Variants in CARHSP1 observed in about 807,000 individuals in gnomAD.
CARHSP1 encodes the protein calcium regulated heat stable protein 1.
Under a neutral mutation model 12.5 loss-of-function variants are expected in CARHSP1, and 14 were observed. The ratio of observed to expected loss-of-function variants is 1.12; its 90% CI spans 0.74 to 1.75. The LOEUF (loss-of-function observed/expected upper bound fraction) is 1.75. CARHSP1 is among the 40% of genes most tolerant of loss of function. The pLI is 0.00. For synonymous variants in CARHSP1, 161 were observed against 82.0 expected (o/e 1.96, Z -5.20); for missense variants, 343 against 201.6 (o/e 1.70, Z -4.25).
chr16:8,856,990 G>GA (rs1026432143), intron 3 of CARHSP1, among the ~76,000 whole-genome samples: 5 of 152,136 alleles, frequency 3.3e-5, no homozygotes, highest in Admixed American at 1.3e-4. Flanking sequence ...TTCCTTCCTG[G>GA]AGCAAAGGGG....
intron 1 of CARHSP1, among the ~76,000 whole-genome samples, chr16:8,864,296 C>T (rs1274941032): frequency 6.6e-6 from 1 of 151,628 alleles, no homozygotes; most frequent in East Asian, 1.9e-4. Context: ...GTCCATGGAG[C>T]GGGGAGCCTC....
rs143251651 is a variant in CARHSP1 at position 8,860,785 on chromosome 16, T to C, written c.-7-1450A>G. ...TGAAGCATGGGCCAGGTGCGGTGGC[T>C]CACACCTGTAATCCCAGCACTTTGA... On this transcript the variant is annotated intron_variant, in intron 1 of 3. Transcript: ENST00000311052. 7.9e-5 allele frequency among the ~76,000 whole-genome samples: 12 copies of C among 152,076 alleles called. No homozygotes were observed. In the East Asian group the frequency reaches 2.3e-3, roughly 30 times the overall value.
At chr16:8,860,435 A>G (rs1030731622) in intron 1 of CARHSP1, 25 of 985,382 alleles carry the variant, frequency 2.5e-5, no homozygotes, top group Non-Finnish European at 3.0e-5. Context: ...CTCGCTGTAC[A>G]CAATAATCAC....
chr16:8,858,848 G>A (rs938227595), intron 2 of CARHSP1: 2 of 411,178 alleles, frequency 4.9e-6, no homozygotes, highest in East Asian at 8.0e-5. Flanking sequence ...CAGCCCTGGT[G>A]CTGTGCCCAT....
intron 1 of CARHSP1, among the ~76,000 whole-genome samples, 158 bp from the exon 2 acceptor site, chr16:8,859,493 C>G (rs2061274105): frequency 6.6e-6 from 1 of 151,814 alleles, no homozygotes; most frequent in Admixed American, 6.6e-5. Flanking sequence ...CTGGCAGGGT[C>G]AGATGCCTAC....
intron 3 of CARHSP1, 178 bp downstream of exon 3, chr16:8,858,172 C>T (rs1254525726): frequency 6.8e-6 from 5 of 733,556 alleles, no homozygotes; most frequent in African/African-American, 5.3e-5. Context: ...AGTCTCACAA[C>T]CCCAACCCAA....
intron 1 of CARHSP1, chr16:8,866,307 C>T: frequency 2.4e-6 from 1 of 409,658 alleles, no homozygotes; most frequent in Non-Finnish European, 3.3e-6. Context: ...CCAGGGAACA[C>T]GGCAGTAGCC....
intron 3 of CARHSP1, among the ~76,000 whole-genome samples, chr16:8,856,077 G>C (rs4985058): frequency 0.066 from 10,092 of 152,246 alleles, 448 homozygotes; most frequent in South Asian, 0.099. Flanking sequence ...CGAAAGTGCT[G>C]GGATTACAAG....
Position 8,853,557 on chromosome 16 carries a change from G to C in CARHSP1, c.*1607C>G, listed in dbSNP as rs1156611520. On this transcript the variant is annotated 3_prime_UTR_variant, in exon 4 of 4. Transcript: ENST00000311052. The stretch of plus-strand genomic sequence containing the variant: ...AGGACAAACTCATCAGAGTTGAGGA[G>C]TACCTACCTGATGAAGCTGTTCATG... 1 of 152,200 alleles carries C rather than the reference G, an allele frequency of 6.6e-6. No homozygotes were observed. Among genetic ancestry groups the C allele is most frequent in the Non-Finnish European group, 1.5e-5 (1 of 68,034 alleles). The allele number at this position is 152,200 out of a possible 1,614,324, so 9.4% of individuals were successfully genotyped here.
Position 8,859,395 on chromosome 16 carries a change from C to T in CARHSP1, c.-7-60G>A, listed in dbSNP as rs1018493122. ...TTGCAAGGTAGGGACCCTGTGCTTACCCCCATGTCCACGTCTGACAGTCCA... is the reference window on the plus strand; with the variant it reads ...TTGCAAGGTAGGGACCCTGTGCTTATCCCCATGTCCACGTCTGACAGTCCA... On this transcript the variant is annotated intron_variant, in intron 1 of 3. Transcript: ENST00000311052. 6.9e-6 allele frequency: 10 copies of T among 1,456,470 alleles called. No homozygotes were observed. In the African/African-American group the frequency reaches 1.3e-4, roughly 18 times the overall value. The allele number at this position is 1,456,470 out of a possible 1,614,324, so 90.2% of individuals were successfully genotyped here.
At position 8,858,332 on chromosome 16, in the gene CARHSP1, G is replaced by C. The variant is rs773534628; in HGVS notation, c.281+18C>G. On this transcript the variant is annotated intron_variant, in intron 3 of 3. Transcript: ENST00000311052. ...GCGCCCACCCCAGCCAGGCCACCCA[G>C]ACCTGCCGCTGACTCACTCAGAGAT... The C allele has an allele frequency of 1.9e-6, 3 of 1,611,668 alleles. No individual in the cohort carries two copies. The highest frequency in any genetic ancestry group is 1.1e-5 in the South Asian group (1 of 90,988).
intron 1 of CARHSP1, chr16:8,860,495 T>G: frequency 1.0e-6 from 1 of 985,144 alleles, no homozygotes; most frequent in African/African-American, 1.7e-5. Context: ...CAGCTCGAGG[T>G]TCAGGGGAAA....
chr16:8,858,349 C>G lies in CARHSP1; in HGVS notation c.281+1G>C, dbSNP rs113137768. 6.2e-7 allele frequency: 1 copy of G among 1,613,520 alleles called. No individual in the cohort carries two copies. Among genetic ancestry groups the G allele is most frequent in the Admixed American group, 1.7e-5 (1 of 59,992 alleles). On this transcript the variant is annotated splice_donor_variant, in intron 3 of 3. Transcript: ENST00000311052. LOFTEE classifies it high-confidence loss of function. The stretch of plus-strand genomic sequence containing the variant: ...GCCACCCAGACCTGCCGCTGACTCA[C>G]TCAGAGATGTGCAGGAAGATGTCGG...
chr16:8,861,613 T>G (rs1657074), intron 1 of CARHSP1: 93,311 of 1,288,834 alleles, frequency 0.072, 5,077 homozygotes, highest in Admixed American at 0.24. Flanking sequence ...CTCAGTTCTG[T>G]CGGGCTGGGA....
chr16:8,863,816 AGCCTCTGCT>A (rs763102365), intron 1 of CARHSP1, among the ~76,000 whole-genome samples: 1 of 152,192 alleles, frequency 6.6e-6, no homozygotes, highest in Non-Finnish European at 1.5e-5. Flanking sequence ...GGCCCTGGCC[AGCCTCTGCT>A]GTGTCCCCTC....
chr16:8,861,785 C>A, intron 1 of CARHSP1: 7 of 1,260,862 alleles, frequency 5.6e-6, no homozygotes, highest in East Asian at 1.1e-4. Flanking sequence ...CATGACCTAC[C>A]AGCACAGGTC....
Position 8,857,263 on chromosome 16 carries a change from G to GTTTTTTTTTTTTTTTT in CARHSP1, c.281+1071_281+1086dup, listed in dbSNP as rs756390920. Among the ~76,000 whole-genome samples, 20 of 57,032 alleles carry GTTTTTTTTTTTTTTTT rather than the reference G, an allele frequency of 3.5e-4. 3 individuals are homozygous for GTTTTTTTTTTTTTTTT. Among genetic ancestry groups the GTTTTTTTTTTTTTTTT allele is most frequent in the Middle Eastern group, 0.014 (1 of 70 alleles). The allele number at this position is 57,032 out of a possible 152,430, so 37.4% of individuals were successfully genotyped here. A position where few individuals can be genotyped will look rare whatever the true frequency, so the allele number is the denominator to read the frequency against. On this transcript the variant is annotated intron_variant, in intron 3 of 3. Transcript: ENST00000311052. The stretch of plus-strand genomic sequence containing the variant: ...TGGCTATGTGATCTTGGGCAGATCT[G>GTTTTTTTTTTTTTTTT]TTTTTTTTTTTTTTTTTTTTTTTTT...
intron 1 of CARHSP1, among the ~76,000 whole-genome samples, chr16:8,866,679 G>A (rs1420866749): frequency 2.0e-5 from 3 of 151,516 alleles, no homozygotes. Flanking sequence ...GGGGTCTGGC[G>A]AGGGAGGAGC....
chr16:8,855,693 C>T (rs1304878103), intron 3 of CARHSP1, among the ~76,000 whole-genome samples: 1 of 152,186 alleles, frequency 6.6e-6, no homozygotes, highest in East Asian at 1.9e-4. Flanking sequence ...GAAACAAGGC[C>T]ATCATGGAGT....
Sources: allele counts gnomAD v4.1 joint callset (sites outside exome capture counted in the v4.1 genomes callset), GRCh38; gene constraint gnomAD v4.1.1; transcripts MANE v1.5; gene names NCBI Gene and HGNC (gene_info 2026-07-23, HGNC 2026-07-21).